KCTD8: variants seen among roughly 807,000 people sequenced by gnomAD.
KCTD8 encodes BTB/POZ domain-containing protein KCTD8.
KCTD8 carries 27 observed loss-of-function variants against 31.5 expected under a neutral mutation model. The ratio of observed to expected loss-of-function variants is 0.86; its 90% CI spans 0.63 to 1.18. The LOEUF (loss-of-function observed/expected upper bound fraction) is 1.18. Ranked by LOEUF, KCTD8 falls within the 50% of genes most tolerant of loss-of-function variation. The probability of loss-of-function intolerance (pLI) is 0.00; values close to 1 mark genes in which losing one functional copy is unlikely to be tolerated. For synonymous variants in KCTD8, 290 were observed against 280.0 expected, an observed-to-expected ratio of 1.04 and a Z score of -0.36; for missense variants, 658 against 647.7, an observed-to-expected ratio of 1.02 and a Z score of -0.17.
At chr4:44,393,224 T>C (rs757165730) in intron 1 of KCTD8, among the ~76,000 whole-genome samples, 14 of 151,972 alleles carry the variant, frequency 9.2e-5, no homozygotes, top group Non-Finnish European at 1.9e-4. Flanking sequence ...CTGATGGCTC[T>C]TCAAAAGTAT....
chr4:44,230,166 C>T (rs1018728863), intron 1 of KCTD8, among the ~76,000 whole-genome samples: 8 of 152,080 alleles, frequency 5.3e-5, no homozygotes, highest in Admixed American at 2.0e-4. Flanking sequence ...ACGGATTCAC[C>T]GCTGGTAACT....
intron 1 of KCTD8, among the ~76,000 whole-genome samples, chr4:44,199,113 T>C (rs1312936960): frequency 6.6e-6 from 1 of 152,154 alleles, no homozygotes; most frequent in Non-Finnish European, 1.5e-5. Context: ...ATCATAAAGA[T>C]ATATACACCC....
intron 1 of KCTD8, among the ~76,000 whole-genome samples, chr4:44,260,587 A>C (rs1716132820): frequency 6.6e-6 from 1 of 151,918 alleles, no homozygotes; most frequent in African/African-American, 2.4e-5. Flanking sequence ...ACGAAATGAG[A>C]GTTAAGCCAT....
intron 1 of KCTD8, among the ~76,000 whole-genome samples, chr4:44,400,776 A>G (rs1314099099): frequency 6.6e-6 from 1 of 151,764 alleles, no homozygotes; most frequent in Non-Finnish European, 1.5e-5. Flanking sequence ...TGCAAACTCA[A>G]TCAATCTCTT....
intron 1 of KCTD8, among the ~76,000 whole-genome samples, chr4:44,438,182 T>C (rs568423287): frequency 5.9e-5 from 9 of 152,322 alleles, no homozygotes; most frequent in Admixed American, 4.6e-4. Context: ...TTCAAATACC[T>C]GGACTTTGAG....
intron 1 of KCTD8, among the ~76,000 whole-genome samples, chr4:44,378,630 C>A (rs946777282): frequency 6.6e-6 from 1 of 152,074 alleles, no homozygotes; most frequent in African/African-American, 2.4e-5. Flanking sequence ...GTTATACCTA[C>A]ATCTCCTTAC....
chr4:44,318,053 G>C (rs1309620680), intron 1 of KCTD8, among the ~76,000 whole-genome samples: 4 of 152,136 alleles, frequency 2.6e-5, no homozygotes, highest in Admixed American at 1.3e-4. Flanking sequence ...AAGCATCTCT[G>C]GACTCCCTTG....
At chr4:44,392,135 C>T (rs910009121) in intron 1 of KCTD8, among the ~76,000 whole-genome samples, 1 of 151,888 alleles carries the variant, frequency 6.6e-6, no homozygotes, top group Non-Finnish European at 1.5e-5. Flanking sequence ...ATTATTTAGA[C>T]TTATGCTCTT....
At chr4:44,439,888 C>A (rs1721771689) in intron 1 of KCTD8, among the ~76,000 whole-genome samples, 1 of 143,692 alleles carries the variant, frequency 7.0e-6, no homozygotes, top group Admixed American at 7.2e-5. Context: ...TTCTAGTCCA[C>A]CAATCATTTA....
At position 44,206,122 on chromosome 4, in the gene KCTD8, A is replaced by C. The variant is rs1714298158; in HGVS notation, c.962-30872T>G. Among the ~76,000 whole-genome samples, 5 of 150,000 alleles carry C rather than the reference A, an allele frequency of 3.3e-5. No homozygotes were observed. The South Asian group carries it at 1.0e-3, about 31-fold the overall frequency. On this transcript the variant is annotated intron_variant, in intron 1 of 1. Transcript: ENST00000360029. ...TTTAATTTATAATAAATATGTATGC[A>C]TTCTTGGTGAGTAACAATTTAGGTG... is the stretch of plus-strand genomic sequence containing the variant.
intron 1 of KCTD8, among the ~76,000 whole-genome samples, chr4:44,204,700 A>T (rs1005013976): frequency 6.6e-6 from 1 of 152,162 alleles, no homozygotes; most frequent in African/African-American, 2.4e-5. Flanking sequence ...GTCCTGCTAC[A>T]CATTAAACTC....
At chr4:44,201,546 C>A (rs1435679586) in intron 1 of KCTD8, among the ~76,000 whole-genome samples, 1 of 151,932 alleles carries the variant, frequency 6.6e-6, no homozygotes, top group African/African-American at 2.4e-5. Flanking sequence ...CAAAAACAAG[C>A]AAGGAGAAAG....
intron 1 of KCTD8, among the ~76,000 whole-genome samples, chr4:44,250,811 T>C (rs1715806923): frequency 6.6e-6 from 1 of 151,740 alleles, no homozygotes; most frequent in Non-Finnish European, 1.5e-5. Context: ...GAGAAGTAAA[T>C]AGTATTTAAT....
chr4:44,279,154 A>G (rs1244741481), intron 1 of KCTD8, among the ~76,000 whole-genome samples: 2 of 152,094 alleles, frequency 1.3e-5, no homozygotes, highest in Non-Finnish European at 2.9e-5. Context: ...CATTATCTAT[A>G]GTTGCCATAA....
rs140416966 is a variant in KCTD8, at chr4:44,258,809, C to T, written c.962-83559G>A. Among the ~76,000 whole-genome samples the T allele has an allele frequency of 3.1e-3, 468 of 151,866 alleles. 1 individual carries two copies. The highest frequency in any genetic ancestry group is 0.011 in the African/African-American group (446 of 41,470). On this transcript the variant is annotated intron_variant, in intron 1 of 1. Coordinates refer to ENST00000360029, the MANE Select transcript of KCTD8 (RefSeq NM_198353.3). ...GTGGTTTAAAATGGGGGCTCTCAGG[C>T]TAGATTGCTTGGATTGTAATAAAAA...
intron 1 of KCTD8, among the ~76,000 whole-genome samples, chr4:44,445,499 C>T (rs891738141): frequency 6.6e-6 from 1 of 152,034 alleles, no homozygotes; most frequent in Non-Finnish European, 1.5e-5. Context: ...AGTGAAACAT[C>T]CTGAATTTCA....
intron 1 of KCTD8, among the ~76,000 whole-genome samples, chr4:44,225,812 T>C (rs1164104971): frequency 1.4e-5 from 2 of 143,860 alleles, no homozygotes; most frequent in African/African-American, 2.6e-5. Context: ...CTAGGTTTTG[T>C]CTCTTTTTTT....
In KCTD8 at chr4:44,448,618, C is replaced by A. The variant is rs1053121495; in HGVS notation, c.-95G>T. 1 of 1,262,916 alleles carries A rather than the reference C, an allele frequency of 7.9e-7. No homozygotes were observed. Among genetic ancestry groups the A allele is most frequent in the Non-Finnish European group, 1.0e-6 (1 of 993,282 alleles). The allele number at this position is 1,262,916 out of a possible 1,614,324, so 78.2% of individuals were successfully genotyped here. On this transcript the variant is annotated 5_prime_UTR_variant, in exon 1 of 2. Transcript: ENST00000360029. This position sits in a 1 kb window ranked among gnomAD's most constrained non-coding sequence, Gnocchi z 4.1. ...CCCTCCGCGTGCTCCTGGCGCTCTG[C>A]GCCCTCGGACTGGGCGGCGCGTTCC...
intron 1 of KCTD8, among the ~76,000 whole-genome samples, chr4:44,183,818 A>C (rs763027620): frequency 2.0e-5 from 3 of 152,196 alleles, no homozygotes; most frequent in Non-Finnish European, 4.4e-5. Flanking sequence ...TAGGTATGTA[A>C]AATGTGTCTG....
Sources: allele counts gnomAD v4.1 joint callset (sites outside exome capture counted in the v4.1 genomes callset), GRCh38; gene constraint gnomAD v4.1.1; non-coding constraint Gnocchi (gnomAD v3.1); transcripts MANE v1.5; gene names NCBI Gene and HGNC (gene_info 2026-07-23, HGNC 2026-07-21).